Variants in VEPH1 observed in about 807,000 individuals in gnomAD.
VEPH1 encodes the protein ventricular zone-expressed PH domain-containing protein homolog 1.
VEPH1 carries 80 observed loss-of-function variants against 85.2 expected under a neutral mutation model. That is an observed-to-expected ratio of 0.94 (90% CI 0.78 to 1.13). The LOEUF (loss-of-function observed/expected upper bound fraction) is 1.13, where lower values mean the gene tolerates loss of function less well. VEPH1 is among the 50% of genes most tolerant of loss of function. VEPH1 has a pLI of 0.00. For missense variants in VEPH1, 955 were observed against 980.5 expected, an observed-to-expected ratio of 0.97 and a Z score of 0.35; for synonymous variants, 297 against 348.0, an observed-to-expected ratio of 0.85 and a Z score of 1.63.
At chr3:157,469,721 C>A (rs1277825401) in intron 3 of VEPH1, among the ~76,000 whole-genome samples, 1 of 152,148 alleles carries the variant, frequency 6.6e-6, no homozygotes, top group Non-Finnish European at 1.5e-5. Context: ...ACATAGAGGA[C>A]CCTGTGGCTT....
At chr3:157,292,854 G>T (rs1282248359) in intron 11 of VEPH1, among the ~76,000 whole-genome samples, 2 of 148,798 alleles carry the variant, frequency 1.3e-5, no homozygotes, top group African/African-American at 5.0e-5. Flanking sequence ...ACGGTGGCAA[G>T]TGCCTGTAAT....
intron 9 of VEPH1, among the ~76,000 whole-genome samples, chr3:157,330,242 C>T (rs1178209691): frequency 6.6e-6 from 1 of 152,194 alleles, no homozygotes; most frequent in Non-Finnish European, 1.5e-5. Context: ...CCTCTATAGT[C>T]AATTTTTCTG....
intron 7 of VEPH1, among the ~76,000 whole-genome samples, chr3:157,380,699 A>C (rs1243323145): frequency 6.6e-6 from 1 of 152,180 alleles, no homozygotes; most frequent in African/African-American, 2.4e-5. Context: ...CTTGATAAGC[A>C]TAACCTTTCG....
chr3:157,479,420 C>T lies in VEPH1; in HGVS notation c.139-8891G>A, dbSNP rs564476839. On this transcript the variant is annotated intron_variant, in intron 2 of 13. Coordinates refer to ENST00000362010, the MANE Select transcript of VEPH1 (RefSeq NM_001167912.2). Reference sequence around the variant, plus strand: ...TGTTTATCAGGATGGTTCACTCTCACTCAACACACCTCCGCTTCAGCATTC... The same window carrying T: ...TGTTTATCAGGATGGTTCACTCTCATTCAACACACCTCCGCTTCAGCATTC... 2.6e-5 allele frequency among the ~76,000 whole-genome samples: 4 copies of T among 152,312 alleles called. No homozygotes were observed. The South Asian group carries it at 8.3e-4, about 32-fold the overall frequency.
intron 9 of VEPH1, among the ~76,000 whole-genome samples, chr3:157,339,837 A>G (rs1723337607): frequency 1.3e-5 from 2 of 152,310 alleles, no homozygotes; most frequent in South Asian, 4.2e-4. Context: ...TGGTTGTGGT[A>G]TTCCAAGCCA....
intron 6 of VEPH1, among the ~76,000 whole-genome samples, chr3:157,393,145 G>T (rs1482196860): frequency 6.6e-6 from 1 of 152,154 alleles, no homozygotes. Flanking sequence ...AAGTGTGAGG[G>T]TATGTTTATG....
chr3:157,273,609 C>T (rs1258946704), intron 12 of VEPH1, among the ~76,000 whole-genome samples: 2 of 152,102 alleles, frequency 1.3e-5, no homozygotes, highest in Non-Finnish European at 2.9e-5. Context: ...ATTCTAGGAA[C>T]TGTAACTCAT....
intron 9 of VEPH1, among the ~76,000 whole-genome samples, chr3:157,356,086 A>G (rs1725394330): frequency 6.6e-6 from 1 of 151,936 alleles, no homozygotes; most frequent in Non-Finnish European, 1.5e-5. Flanking sequence ...TTTTGTAGAG[A>G]AGCAGTTTCA....
chr3:157,365,460 C>T (rs1037388550), intron 7 of VEPH1, among the ~76,000 whole-genome samples: 2 of 152,072 alleles, frequency 1.3e-5, no homozygotes. Flanking sequence ...CCAACTAATT[C>T]TCCAACCCTC....
At position 157,286,999 on chromosome 3, in the gene VEPH1, T is replaced by G. The variant is rs141020941; in HGVS notation, c.2011-325A>C. 3.2e-3 allele frequency among the ~76,000 whole-genome samples: 491 copies of G among 152,314 alleles called. 1 individual carries two copies. The highest frequency in any genetic ancestry group is 0.011 in the African/African-American group (456 of 41,566). ...CCAGATTTTCTAAAAAGAAGGGATATCCAAGTGGCAATGTGGTTGGAAGAC... is the reference window on the plus strand; with the variant it reads ...CCAGATTTTCTAAAAAGAAGGGATAGCCAAGTGGCAATGTGGTTGGAAGAC... On this transcript the variant is annotated intron_variant, in intron 11 of 13. Coordinates refer to ENST00000362010, the MANE Select transcript of VEPH1 (RefSeq NM_001167912.2).
rs775781247 is a variant in VEPH1, at chr3:157,437,863, G to A, written c.530-9375C>T. On this transcript the variant is annotated intron_variant, in intron 4 of 13. Coordinates refer to ENST00000362010, the MANE Select transcript of VEPH1 (RefSeq NM_001167912.2). ...GCTAGAGGAGCTGCGGCAGACGCGAGCCGACCTGCACGCGGTGCAGGGCTG... is the reference window on the plus strand; with the variant it reads ...GCTAGAGGAGCTGCGGCAGACGCGAACCGACCTGCACGCGGTGCAGGGCTG... The A allele has an allele frequency of 1.3e-5, 20 of 1,500,670 alleles. No individual in the cohort carries two copies. Among genetic ancestry groups the A allele is most frequent in the East Asian group, 8.2e-5 (3 of 36,714 alleles). 93.0% of individuals were successfully genotyped at this position (1,500,670 alleles called of 1,614,324 possible).
intron 4 of VEPH1, among the ~76,000 whole-genome samples, chr3:157,445,661 C>T (rs1233750514): frequency 2.0e-5 from 3 of 151,794 alleles, no homozygotes; most frequent in South Asian, 4.2e-4. Flanking sequence ...TAGTGGCGTG[C>T]GCCTGTAATC....
At chr3:157,446,692 C>T (rs1373635682) in intron 4 of VEPH1, among the ~76,000 whole-genome samples, 1 of 152,122 alleles carries the variant, frequency 6.6e-6, no homozygotes, top group East Asian at 1.9e-4. Context: ...GAAATGCACT[C>T]CTAAGGTTAA....
At chr3:157,282,088 T>A (rs990877021) in intron 12 of VEPH1, among the ~76,000 whole-genome samples, 19 of 152,242 alleles carry the variant, frequency 1.2e-4, no homozygotes, top group African/African-American at 4.3e-4. Flanking sequence ...AAAACTCTCC[T>A]GACACAGGAG....
At chr3:157,314,005 TG>T (rs1436311882) in intron 10 of VEPH1, among the ~76,000 whole-genome samples, 1 of 151,966 alleles carries the variant, frequency 6.6e-6, no homozygotes, top group African/African-American at 2.4e-5. Context: ...GAGACCAGCC[TG>T]GCCAATATAA....
chr3:157,465,385 AATG>A (rs1004720846), intron 3 of VEPH1, among the ~76,000 whole-genome samples: 1 of 152,162 alleles, frequency 6.6e-6, no homozygotes, highest in African/African-American at 2.4e-5. Flanking sequence ...AGATAATGAT[AATG>A]ATGATGATAC....
intron 6 of VEPH1, among the ~76,000 whole-genome samples, chr3:157,395,206 C>A (rs1730249524): frequency 1.3e-5 from 2 of 152,142 alleles, no homozygotes; most frequent in Non-Finnish European, 2.9e-5. Flanking sequence ...GTACTCTTGG[C>A]AGAAGAATTG....
At chr3:157,388,993 A>G (rs920539128) in intron 6 of VEPH1, among the ~76,000 whole-genome samples, 8 of 152,182 alleles carry the variant, frequency 5.3e-5, no homozygotes, top group African/African-American at 1.4e-4. Flanking sequence ...ACAAGTAGCT[A>G]TGTTCCATAA....
rs375052280 is a variant in VEPH1, at chr3:157,265,775, T to G, written c.2129-113A>C. 4.6e-6 allele frequency: 5 copies of G among 1,092,064 alleles called. No homozygotes were observed. In the African/African-American group the frequency reaches 7.8e-5, roughly 17 times the overall value. The allele number at this position is 1,092,064 out of a possible 1,614,324, so 67.6% of individuals were successfully genotyped here. A position where few individuals can be genotyped will look rare whatever the true frequency, so the allele number is the denominator to read the frequency against. On this transcript the variant is annotated intron_variant, in intron 12 of 13. Coordinates refer to ENST00000362010, the MANE Select transcript of VEPH1 (RefSeq NM_001167912.2). ...GAACCCAGTTAGCACACCTGGAAAG[T>G]AGGCTAATAAATGATGAATTTGGTT...
Sources: allele counts gnomAD v4.1 joint callset (sites outside exome capture counted in the v4.1 genomes callset), GRCh38; gene constraint gnomAD v4.1.1; transcripts MANE v1.5; gene names NCBI Gene and HGNC (gene_info 2026-07-23, HGNC 2026-07-21).